TMEM260: variants seen among roughly 807,000 people sequenced by gnomAD.
TMEM260 encodes protein O-mannosyl-transferase TMEM260.
Under a neutral mutation model 88.9 loss-of-function variants are expected in TMEM260, and 82 were observed. That is an observed-to-expected ratio of 0.92 (90% CI 0.77 to 1.11). The LOEUF (loss-of-function observed/expected upper bound fraction) is 1.11. TMEM260 is among the 50% of genes least tolerant of loss of function. The pLI is 0.00. For synonymous variants in TMEM260, 314 were observed against 309.3 expected, an observed-to-expected ratio of 1.02 and a Z score of -0.16; for missense variants, 902 against 853.4, an observed-to-expected ratio of 1.06 and a Z score of -0.71.
At chr14:56,649,795 T>C (rs1890164807), downstream of TMEM260, among the ~76,000 whole-genome samples, 1 of 152,250 alleles carries the variant, frequency 6.6e-6, no homozygotes, top group Non-Finnish European at 1.5e-5. Flanking sequence ...TATAGATTAT[T>C]GTCAAATGGT....
chr14:56,655,010 A>G (rs550897827), downstream of TMEM260, among the ~76,000 whole-genome samples: 71 of 152,210 alleles, frequency 4.7e-4, no homozygotes, highest in African/African-American at 1.6e-3. Flanking sequence ...AATAGTAATA[A>G]TAGCTGTTAT....
At chr14:56,632,937 A>T in intron 12 of TMEM260, 58 bp from the exon 13 acceptor site, 1 of 1,446,188 alleles carries the variant, frequency 6.9e-7, no homozygotes, top group Non-Finnish European at 9.5e-7. Flanking sequence ...AATTATATTT[A>T]CTTAACATTT....
chr14:56,645,358 C>T (rs1032696248), intron 15 of TMEM260, among the ~76,000 whole-genome samples: 1 of 151,954 alleles, frequency 6.6e-6, no homozygotes, highest in African/African-American at 2.4e-5. Flanking sequence ...ATGGATGAAG[C>T]TGGAAACCAT....
At chr14:56,641,032 T>C (rs143303053) in intron 15 of TMEM260, among the ~76,000 whole-genome samples, 5,281 of 150,238 alleles carry the variant, frequency 0.035, 150 homozygotes, top group East Asian at 0.085. Flanking sequence ...ACCAAATCTA[T>C]GTCTGATTGG....
chr14:56,589,277 C>T lies in TMEM260; in HGVS notation c.344+3365C>T, dbSNP rs144604243. On this transcript the variant is annotated intron_variant, in intron 3 of 15. Coordinates refer to ENST00000261556, the MANE Select transcript of TMEM260 (RefSeq NM_017799.4). ...GTCGTGTCATTTATTTTGGTAGTTA[C>T]AGTGCAGGGGATGTATTTTCAACAG... Among the ~76,000 whole-genome samples, 531 of 152,130 alleles carry T rather than the reference C, an allele frequency of 3.5e-3. 4 individuals are homozygous for T. The highest frequency in any genetic ancestry group is 0.012 in the African/African-American group (489 of 41,510).
At position 56,616,022 on chromosome 14, in the gene TMEM260, A is replaced by AT; in HGVS notation, c.936_937insT (p.Thr313TyrfsTer66). 2.5e-6 allele frequency: 4 copies of AT among 1,605,792 alleles called. No homozygotes were observed. The highest frequency in any genetic ancestry group is 2.6e-6 in the Non-Finnish European group (3 of 1,172,786). On this transcript the variant is annotated frameshift_variant, in exon 8 of 16. Transcript: ENST00000261556. LOFTEE classifies it high-confidence loss of function. Reference sequence around the variant, plus strand: ...CAGTTTGTGCAAATATATGTTTAGCAACAAAGTAAGTAATACAATTCCTTT... The same window carrying AT: ...CAGTTTGTGCAAATATATGTTTAGCATACAAAGTAAGTAATACAATTCCTTT...
At chr14:56,614,615 A>G (rs767196476) in intron 7 of TMEM260, among the ~76,000 whole-genome samples, 1 of 152,222 alleles carries the variant, frequency 6.6e-6, no homozygotes, top group Admixed American at 6.5e-5. Context: ...TTAGTTGCAC[A>G]TAAAAGTCAT....
At chr14:56,632,948 A>C (rs1888727040) in intron 12 of TMEM260, 47 bp from the exon 13 acceptor site, 1 of 1,516,548 alleles carries the variant, frequency 6.6e-7, no homozygotes, top group African/African-American at 1.4e-5. Context: ...CTTAACATTT[A>C]AAACTTTAAA....
At chr14:56,614,106 A>T (rs1440766727) in intron 7 of TMEM260, among the ~76,000 whole-genome samples, 1 of 150,656 alleles carries the variant, frequency 6.6e-6, no homozygotes, top group African/African-American at 2.4e-5. Context: ...ACAGGGTCTC[A>T]CCATGTTGGC....
chr14:56,598,328 AG>A (rs1401099690), intron 3 of TMEM260, among the ~76,000 whole-genome samples: 1 of 152,130 alleles, frequency 6.6e-6, no homozygotes, highest in African/African-American at 2.4e-5. Context: ...AAGTGTGTCA[AG>A]GGGAGTGGTC....
downstream of TMEM260, among the ~76,000 whole-genome samples, chr14:56,655,174 G>A (rs1890278760): frequency 6.6e-6 from 1 of 152,056 alleles, no homozygotes; most frequent in South Asian, 2.1e-4. Flanking sequence ...GGTGGATCAT[G>A]AGATCAGGAG....
intron 6 of TMEM260, among the ~76,000 whole-genome samples, chr14:56,610,672 TG>T (rs1396289835): frequency 6.6e-6 from 1 of 152,198 alleles, no homozygotes; most frequent in Non-Finnish European, 1.5e-5. Context: ...TTAATTATTT[TG>T]ACTTAGAGAG....
chr14:56,636,242 T>G (rs1452913665), intron 14 of TMEM260, among the ~76,000 whole-genome samples: 1 of 145,744 alleles, frequency 6.9e-6, no homozygotes, highest in East Asian at 1.9e-4. Flanking sequence ...AACATACATT[T>G]GGAGGATGAA....
chr14:56,659,993 G>C, the TMEM260 span, among the ~76,000 whole-genome samples: 1 of 152,266 alleles, frequency 6.6e-6, no homozygotes, highest in East Asian at 1.9e-4. Flanking sequence ...TTTACCAAAG[G>C]TAAGTCCTTG....
intron 3 of TMEM260, among the ~76,000 whole-genome samples, chr14:56,587,950 C>T (rs1885615680): frequency 6.6e-6 from 1 of 152,026 alleles, no homozygotes; most frequent in Non-Finnish European, 1.5e-5. Flanking sequence ...ATGACCTGAA[C>T]TTAACCTTTA....
upstream of TMEM260, chr14:56,579,682 AC>A (rs1884965218): frequency 2.5e-6 from 1 of 395,054 alleles, no homozygotes. Flanking sequence ...AAGTAGGTGA[AC>A]GCCAATGCGT....
chr14:56,648,743 A>T lies in TMEM260; in HGVS notation c.*1246A>T, dbSNP rs1890115393. On this transcript the variant is annotated 3_prime_UTR_variant, in exon 16 of 16. Coordinates refer to ENST00000261556, the MANE Select transcript of TMEM260 (RefSeq NM_017799.4). Reference sequence around the variant, plus strand: ...TTAAAACCACTAATTCTCTTTTAAAATGCTGCAGGATGCCATGTAGGCATC... The same window carrying T: ...TTAAAACCACTAATTCTCTTTTAAATTGCTGCAGGATGCCATGTAGGCATC... 1 of 152,640 alleles carries T rather than the reference A, an allele frequency of 6.6e-6. No individual in the cohort carries two copies. The highest frequency in any genetic ancestry group is 1.5e-5 in the Non-Finnish European group (1 of 68,062). 9.5% of individuals were successfully genotyped at this position (152,640 alleles called of 1,614,324 possible).
intron 6 of TMEM260, among the ~76,000 whole-genome samples, chr14:56,610,776 A>G (rs1887210227): frequency 6.6e-6 from 1 of 152,134 alleles, no homozygotes; most frequent in African/African-American, 2.4e-5. Flanking sequence ...AATTTATATA[A>G]TTCATACATA....
intron 1 of TMEM260, among the ~76,000 whole-genome samples, chr14:56,584,269 G>A (rs1885342137): frequency 6.6e-6 from 1 of 152,056 alleles, no homozygotes; most frequent in Non-Finnish European, 1.5e-5. Context: ...CATCAATATT[G>A]ATTCCTTACA....
Sources: allele counts gnomAD v4.1 joint callset (sites outside exome capture counted in the v4.1 genomes callset), GRCh38; gene constraint gnomAD v4.1.1; transcripts MANE v1.5; gene names NCBI Gene and HGNC (gene_info 2026-07-23, HGNC 2026-07-21).